SLC35F3: variants seen among roughly 807,000 people sequenced by gnomAD.
SLC35F3 encodes the protein solute carrier family 35 member F3.
In SLC35F3, 25 loss-of-function variants were observed where a neutral mutation model predicts 49.9. That is an observed-to-expected ratio of 0.50 (90% CI 0.37 to 0.70). The LOEUF (loss-of-function observed/expected upper bound fraction) is 0.70. SLC35F3 is among the 30% of genes least tolerant of loss of function. SLC35F3 has a pLI of 0.00. For synonymous variants in SLC35F3, 275 were observed against 265.4 expected, an observed-to-expected ratio of 1.04 and a Z score of -0.35; for missense variants, 525 against 639.8, an observed-to-expected ratio of 0.82 and a Z score of 1.94.
At chr1:234,152,227 G>GTTATTATTATTATTATTATTATTA (rs61307533) in intron 2 of SLC35F3, among the ~76,000 whole-genome samples, 2 of 144,576 alleles carry the variant, frequency 1.4e-5, no homozygotes, top group African/African-American at 5.3e-5. Flanking sequence ...TATTATTATT[G>GTTATTATTATTATTATTATTATTA]TTATTATTAT....
At chr1:234,155,707 T>A (rs1236503630) in intron 2 of SLC35F3, among the ~76,000 whole-genome samples, 1 of 151,362 alleles carries the variant, frequency 6.6e-6, no homozygotes, top group Non-Finnish European at 1.5e-5. Flanking sequence ...TGCTAACAAT[T>A]GCCTGAAAAA....
intron 2 of SLC35F3, among the ~76,000 whole-genome samples, chr1:234,209,288 T>A (rs1009843880): frequency 6.6e-6 from 1 of 151,818 alleles, no homozygotes; most frequent in Non-Finnish European, 1.5e-5. Flanking sequence ...GAGATTTGAG[T>A]TTTTAAGTGG....
rs542858475 is a variant in SLC35F3 at position 234,127,578 on chromosome 1, A to T, written c.284-103839A>T. Among the ~76,000 whole-genome samples, 9 of 152,326 alleles carry T rather than the reference A, an allele frequency of 5.9e-5. No homozygotes were observed. The South Asian group carries it at 1.7e-3, about 28-fold the overall frequency. On this transcript the variant is annotated intron_variant, in intron 2 of 7. Coordinates refer to ENST00000366618, the MANE Select transcript of SLC35F3 (RefSeq NM_173508.4). The stretch of plus-strand genomic sequence containing the variant: ...GCAGATGTTCCTGGCTCTAGGTAAA[A>T]TAGAAATTGTAGAACAAGGAGTGTT...
At chr1:234,004,627 C>T (rs1437558942) in intron 2 of SLC35F3, among the ~76,000 whole-genome samples, 2 of 151,914 alleles carry the variant, frequency 1.3e-5, no homozygotes, top group African/African-American at 2.4e-5. Flanking sequence ...AAAACTTGTA[C>T]AGAAAGAAAT....
chr1:234,280,579 A>G (rs1392604581), intron 3 of SLC35F3, among the ~76,000 whole-genome samples: 2 of 152,174 alleles, frequency 1.3e-5, no homozygotes, highest in East Asian at 3.9e-4. Context: ...GTAAAGCTGA[A>G]TTAAAGACAG....
At chr1:234,162,067 C>G (rs1666236257) in intron 2 of SLC35F3, among the ~76,000 whole-genome samples, 1 of 152,138 alleles carries the variant, frequency 6.6e-6, no homozygotes, top group African/African-American at 2.4e-5. Flanking sequence ...TACCTCTTTA[C>G]TGATTTACCC....
intron 3 of SLC35F3, among the ~76,000 whole-genome samples, chr1:234,308,373 C>T (rs779974820): frequency 2.0e-5 from 3 of 152,214 alleles, no homozygotes; most frequent in African/African-American, 4.8e-5. Flanking sequence ...CCCCGTCCCA[C>T]AGGCCACATG....
chr1:233,941,594 G>A (rs762095889), intron 2 of SLC35F3, among the ~76,000 whole-genome samples: 1 of 151,928 alleles, frequency 6.6e-6, no homozygotes, highest in Non-Finnish European at 1.5e-5. Flanking sequence ...AGTTTTGTGG[G>A]GTTCAAAAAA....
intron 2 of SLC35F3, among the ~76,000 whole-genome samples, chr1:234,152,215 A>ATTG (rs202118944): frequency 2.8e-5 from 4 of 141,696 alleles, no homozygotes; most frequent in Non-Finnish European, 4.5e-5. Flanking sequence ...GAGTAACATT[A>ATTG]TTATTATTAT....
intron 2 of SLC35F3, among the ~76,000 whole-genome samples, chr1:233,942,082 T>C (rs1662435419): frequency 6.7e-6 from 1 of 150,144 alleles, no homozygotes; most frequent in Non-Finnish European, 1.5e-5. Context: ...TGCCTCAGCC[T>C]CCCAAGTAGC....
intron 2 of SLC35F3, among the ~76,000 whole-genome samples, chr1:234,150,196 G>A (rs1194176948): frequency 6.6e-6 from 1 of 152,246 alleles, no homozygotes; most frequent in Non-Finnish European, 1.5e-5. Context: ...GTGCTCAAAT[G>A]GAAGCGGTAA....
chr1:234,181,536 G>A (rs1376744984), intron 2 of SLC35F3, among the ~76,000 whole-genome samples: 1 of 152,080 alleles, frequency 6.6e-6, no homozygotes, highest in African/African-American at 2.4e-5. Context: ...GTTGCAATTA[G>A]TTGACAGGTC....
chr1:234,020,847 A>G (rs1663883491), intron 2 of SLC35F3, among the ~76,000 whole-genome samples: 1 of 152,180 alleles, frequency 6.6e-6, no homozygotes, highest in Non-Finnish European at 1.5e-5. Flanking sequence ...GCTTGTCCTT[A>G]CACTGAACAA....
At chr1:233,978,428 T>C (rs1663126640) in intron 2 of SLC35F3, among the ~76,000 whole-genome samples, 1 of 152,234 alleles carries the variant, frequency 6.6e-6, no homozygotes, top group South Asian at 2.1e-4. Context: ...CACAGACTTG[T>C]GTGTAGAATA....
At chr1:234,065,307 C>T (rs72756186) in intron 2 of SLC35F3, among the ~76,000 whole-genome samples, 48,906 of 151,928 alleles carry the variant, frequency 0.32, 9,534 homozygotes, top group Non-Finnish European at 0.45. Context: ...CCACCACGCC[C>T]GGCTAATTTT....
intron 2 of SLC35F3, among the ~76,000 whole-genome samples, chr1:234,101,090 A>G (rs1665207211): frequency 6.6e-6 from 1 of 151,784 alleles, no homozygotes; most frequent in South Asian, 2.1e-4. Context: ...GCTTTCAGAT[A>G]ACCTTCCTAT....
intron 2 of SLC35F3, among the ~76,000 whole-genome samples, chr1:234,148,229 C>T (rs1666025701): frequency 6.6e-6 from 1 of 152,130 alleles, no homozygotes; most frequent in South Asian, 2.1e-4. Context: ...GAGAGCTTTC[C>T]TCTGACCTCC....
At chr1:233,938,693 GA>G (rs1662373589) in intron 2 of SLC35F3, among the ~76,000 whole-genome samples, 1 of 150,424 alleles carries the variant, frequency 6.6e-6, no homozygotes, top group Middle Eastern at 3.2e-3. Flanking sequence ...TGGATGGATG[GA>G]TGGATGAATG....
At chr1:233,941,994 C>T (rs1255898386) in intron 2 of SLC35F3, among the ~76,000 whole-genome samples, 4 of 138,356 alleles carry the variant, frequency 2.9e-5, no homozygotes, top group Non-Finnish European at 6.1e-5. Flanking sequence ...TGGAGTCTCA[C>T]TCTGTCTCCA....
Sources: allele counts gnomAD v4.1 joint callset (sites outside exome capture counted in the v4.1 genomes callset), GRCh38; gene constraint gnomAD v4.1.1; transcripts MANE v1.5; gene names NCBI Gene and HGNC (gene_info 2026-07-23, HGNC 2026-07-21).